NLGN1: variants seen among roughly 807,000 people sequenced by gnomAD.
NLGN1 encodes the protein neuroligin 1.
A neutral mutation model predicts 65.5 loss-of-function variants in NLGN1; 12 were observed. The ratio of observed to expected loss-of-function variants is 0.18; its 90% CI spans 0.12 to 0.30. The LOEUF (loss-of-function observed/expected upper bound fraction) is 0.30, where lower values mean the gene tolerates loss of function less well. NLGN1 is among the 10% of genes least tolerant of loss of function. The pLI, the probability that NLGN1 is intolerant of heterozygous loss-of-function variation, is 1.00. For synonymous variants in NLGN1, 350 were observed against 359.5 expected (o/e 0.97, Z 0.30); for missense variants, 750 against 1,007.1 (o/e 0.74, Z 3.46).
Position 174,156,114 on chromosome 3 carries a change from C to T in NLGN1, c.647-119201C>T, listed in dbSNP as rs529606913. Among the ~76,000 whole-genome samples, 71 of 151,984 alleles carry T rather than the reference C, an allele frequency of 4.7e-4. 1 individual carries two copies. Among genetic ancestry groups the T allele is most frequent in the African/African-American group, 1.6e-3 (68 of 41,522 alleles). On this transcript the variant is annotated intron_variant, in intron 4 of 6. Coordinates refer to ENST00000457714, the Ensembl canonical transcript of NLGN1. ...CAGTGGTACAGGTCTTGGTAGAAAA[C>T]GTTCTTTTTAAACATATAACATCAC...
At chr3:173,845,970 G>T (rs1205774894) in intron 4 of NLGN1, among the ~76,000 whole-genome samples, 1 of 151,860 alleles carries the variant, frequency 6.6e-6, no homozygotes, top group African/African-American at 2.4e-5. Context: ...TGTTTTTAAA[G>T]ATGGGGTCTT....
rs1271793721 is a variant in NLGN1 at position 174,116,893 on chromosome 3, T to A, written c.647-158422T>A. On this transcript the variant is annotated intron_variant, in intron 4 of 6. Transcript: ENST00000457714. ...TCTTAGAATAATTAATAAAATGATA[T>A]ATGAAAAAAGATTTCTATTCCGTGA... Among the ~76,000 whole-genome samples the A allele has an allele frequency of 2.6e-5, 4 of 152,272 alleles. No individual in the cohort carries two copies. The South Asian group carries it at 8.3e-4, about 32-fold the overall frequency.
intron 4 of NLGN1, among the ~76,000 whole-genome samples, chr3:174,237,194 T>C (rs1322272167): frequency 2.0e-5 from 3 of 152,186 alleles, no homozygotes; most frequent in Admixed American, 2.0e-4. Context: ...CTCACTTTTA[T>C]TCCCTGCCAT....
chr3:173,556,792 A>AG (rs1478782917), intron 2 of NLGN1, among the ~76,000 whole-genome samples: 3 of 128,784 alleles, frequency 2.3e-5, no homozygotes, highest in African/African-American at 9.4e-5. Context: ...TGACAGAGCG[A>AG]GGACCTGTCT....
At chr3:173,499,507 C>G (rs1380354396) in intron 2 of NLGN1, among the ~76,000 whole-genome samples, 1 of 151,808 alleles carries the variant, frequency 6.6e-6, no homozygotes, top group African/African-American at 2.4e-5. Context: ...CAGCTTTGTT[C>G]TTTTGCGTTA....
chr3:173,528,044 G>T (rs545782847), intron 2 of NLGN1, among the ~76,000 whole-genome samples: 2 of 152,172 alleles, frequency 1.3e-5, no homozygotes, highest in Admixed American at 6.5e-5. Context: ...GCTTTATAGG[G>T]TCTTCTATGA....
intron 4 of NLGN1, among the ~76,000 whole-genome samples, chr3:174,190,005 G>T (rs1052233229): frequency 2.6e-5 from 4 of 152,008 alleles, no homozygotes; most frequent in African/African-American, 9.7e-5. Flanking sequence ...ACAGCTAGGT[G>T]ACTTGAATAT....
chr3:173,489,061 CTT>C (rs1560326254), intron 2 of NLGN1, among the ~76,000 whole-genome samples: 1 of 151,448 alleles, frequency 6.6e-6, no homozygotes. Flanking sequence ...CAGCCTTTTT[CTT>C]TTTCTGCTTA....
chr3:173,807,665 C>A lies in NLGN1; in HGVS notation c.494-15C>A. 3.1e-6 allele frequency: 5 copies of A among 1,610,416 alleles called. No individual in the cohort carries two copies. Among genetic ancestry groups the A allele is most frequent in the Non-Finnish European group, 4.2e-6 (5 of 1,177,564 alleles). ...TTTTGAGGATAAGAACGATTGCCAA[C>A]CATTTGTTTTCCAGATATTCGGGAC... On this transcript the variant is annotated splice_polypyrimidine_tract_variant and intron_variant, in intron 3 of 6. Coordinates refer to ENST00000457714, the Ensembl canonical transcript of NLGN1.
At chr3:173,895,863 G>A (rs183843286) in intron 4 of NLGN1, among the ~76,000 whole-genome samples, 4 of 152,072 alleles carry the variant, frequency 2.6e-5, no homozygotes, top group African/African-American at 7.2e-5. Flanking sequence ...GCTAATTTTT[G>A]TATTTTTAGT....
chr3:173,752,123 T>C (rs932143512), intron 3 of NLGN1, among the ~76,000 whole-genome samples: 6 of 152,114 alleles, frequency 3.9e-5, no homozygotes, highest in African/African-American at 1.2e-4. Flanking sequence ...ATTCTCAAAA[T>C]TGTGTTCACA....
At position 174,064,381 on chromosome 3, in the gene NLGN1, A is replaced by G. The variant is rs1015373566; in HGVS notation, c.647-210934A>G. On this transcript the variant is annotated intron_variant, in intron 4 of 6. Coordinates refer to ENST00000457714, the Ensembl canonical transcript of NLGN1. ...GGAAAATAATTCGGAATATTAGCCT[A>G]TCATCATAACTACATTAACATATAG... is the stretch of plus-strand genomic sequence containing the variant. 5.3e-5 allele frequency among the ~76,000 whole-genome samples: 8 copies of G among 152,028 alleles called. No individual in the cohort carries two copies. In the East Asian group the frequency reaches 5.8e-4, roughly 11 times the overall value.
At chr3:173,490,277 G>A (rs537783127) in intron 2 of NLGN1, among the ~76,000 whole-genome samples, 19 of 152,218 alleles carry the variant, frequency 1.2e-4, no homozygotes, top group South Asian at 4.1e-4. Flanking sequence ...TGTGTAAGGT[G>A]TAAGGAAGGG....
downstream of NLGN1, among the ~76,000 whole-genome samples, chr3:174,286,992 G>A (rs2152901013): frequency 6.6e-6 from 1 of 151,472 alleles, no homozygotes; most frequent in East Asian, 2.0e-4. Flanking sequence ...TCCAAATAGT[G>A]CTTTAAATAG....
chr3:173,457,733 A>G (rs542668449), intron 2 of NLGN1, among the ~76,000 whole-genome samples: 42 of 152,250 alleles, frequency 2.8e-4, no homozygotes, highest in African/African-American at 9.6e-4. Context: ...TGTATGAAAT[A>G]AAGCAATAAG....
intron 3 of NLGN1, among the ~76,000 whole-genome samples, chr3:173,683,041 T>C (rs1243277146): frequency 6.6e-6 from 1 of 152,216 alleles, no homozygotes; most frequent in Non-Finnish European, 1.5e-5. Context: ...CTTTTCATCA[T>C]AGGACATTCT....
At chr3:173,813,892 C>T (rs753520348) in intron 4 of NLGN1, among the ~76,000 whole-genome samples, 12 of 152,154 alleles carry the variant, frequency 7.9e-5, no homozygotes, top group African/African-American at 1.2e-4. Context: ...CTATTTGAAA[C>T]GTGACAATAC....
intron 4 of NLGN1, among the ~76,000 whole-genome samples, chr3:173,924,654 C>G (rs906178263): frequency 6.6e-6 from 1 of 151,462 alleles, no homozygotes; most frequent in Non-Finnish European, 1.5e-5. Flanking sequence ...AATAAAAATT[C>G]AATTAGATAC....
intron 3 of NLGN1, among the ~76,000 whole-genome samples, chr3:173,754,846 T>C (rs1776855153): frequency 6.6e-6 from 1 of 152,040 alleles, no homozygotes; most frequent in Non-Finnish European, 1.5e-5. Flanking sequence ...CACTATTTTT[T>C]TACCACTTTT....
Sources: gnomAD v4.1 joint callset for allele counts (sites outside exome capture counted in the v4.1 genomes callset) on GRCh38, gnomAD v4.1.1 for gene constraint, MANE v1.5 for transcripts, NCBI Gene and HGNC (gene_info 2026-07-23, HGNC 2026-07-21) for gene names.